The following RYR3 variants were observed in gnomAD, a reference collection of about 807,000 sequenced individuals.
RYR3 encodes brain ryanodine receptor-calcium release channel.
In RYR3, 207 loss-of-function variants were observed where a neutral mutation model predicts 584.3. The observed-to-expected ratio is 0.35, with a 90% CI of 0.32 to 0.40. The LOEUF is 0.40. RYR3 is among the 10% of genes least tolerant of loss of function. The pLI is 1.00. For synonymous variants in RYR3, 2,416 were observed against 2,248.5 expected (o/e 1.07, Z -2.11); for missense variants, 5,616 against 6,089.2 (o/e 0.92, Z 2.59).
At chr15:33,391,138 C>T (rs1017186795) in intron 1 of RYR3, among the ~76,000 whole-genome samples, 3 of 152,170 alleles carry the variant, frequency 2.0e-5, no homozygotes, top group African/African-American at 7.2e-5. Context: ...CCCCTCATCC[C>T]TCCAGCCCCA....
chr15:33,600,837 A>G (rs1026271240), intron 16 of RYR3, among the ~76,000 whole-genome samples: 2 of 152,132 alleles, frequency 1.3e-5, no homozygotes, highest in African/African-American at 4.8e-5. Flanking sequence ...GCCAAATGGG[A>G]ATCTTACGTG....
intron 36 of RYR3, among the ~76,000 whole-genome samples, chr15:33,664,058 C>T (rs1009981228): frequency 2.0e-5 from 3 of 152,200 alleles, no homozygotes; most frequent in African/African-American, 4.8e-5. Context: ...CAAGGATACA[C>T]CACTCAGAAG....
chr15:33,819,918 A>G (rs1160246023), intron 77 of RYR3, 111 bp downstream of exon 77: 5 of 758,030 alleles, frequency 6.6e-6, no homozygotes, highest in East Asian at 5.8e-5. Flanking sequence ...TTGTCATGAC[A>G]TAGGTTTCAG....
At chr15:33,478,661 A>G (rs2142306496) in intron 2 of RYR3, among the ~76,000 whole-genome samples, 1 of 152,316 alleles carries the variant, frequency 6.6e-6, no homozygotes, top group East Asian at 1.9e-4. Context: ...GGAGTTTTAA[A>G]AAGTCATAAC....
At chr15:33,425,439 CT>C (rs1463283545) in intron 1 of RYR3, among the ~76,000 whole-genome samples, 6 of 152,114 alleles carry the variant, frequency 3.9e-5, no homozygotes, top group Non-Finnish European at 7.4e-5. Flanking sequence ...CCTGACTCAG[CT>C]TCTGAATTTC....
intron 1 of RYR3, among the ~76,000 whole-genome samples, chr15:33,388,019 C>A (rs2041744535): frequency 1.3e-5 from 2 of 151,914 alleles, no homozygotes; most frequent in South Asian, 4.2e-4. Context: ...TAATGTCTAG[C>A]ACAAATAAAT....
At chr15:33,685,912 A>T (rs1417667438) in intron 38 of RYR3, among the ~76,000 whole-genome samples, 2 of 152,254 alleles carry the variant, frequency 1.3e-5, no homozygotes, top group South Asian at 2.1e-4. Flanking sequence ...AAGACACAAC[A>T]TACCAGAATC....
chr15:33,732,225 C>T lies in RYR3; in HGVS notation c.7424+531C>T, dbSNP rs1032087386. The stretch of plus-strand genomic sequence containing the variant: ...TGAAACCCCATCTCTACTAAAAATA[C>T]AAAAAAAAAAAAAATAGCCGGGTAT... On this transcript the variant is annotated intron_variant, in intron 48 of 103. Coordinates refer to ENST00000634891, the MANE Select transcript of RYR3 (RefSeq NM_001036.6). Among the ~76,000 whole-genome samples the T allele has an allele frequency of 2.9e-4, 38 of 132,936 alleles. 1 individual carries two copies. The highest frequency in any genetic ancestry group is 9.6e-4 in the South Asian group (4 of 4,150). 87.2% of individuals were successfully genotyped at this position (132,936 alleles called of 152,430 possible). A position where few individuals can be genotyped will look rare whatever the true frequency, so the allele number is the denominator to read the frequency against.
chr15:33,477,595 G>C (rs2049503118), intron 2 of RYR3, among the ~76,000 whole-genome samples: 2 of 82,212 alleles, frequency 2.4e-5, no homozygotes, highest in Admixed American at 2.0e-4. Context: ...AAAAAAAAAG[G>C]CTGGGCGCGG....
Position 33,786,464 on chromosome 15 carries a change from G to A in RYR3, c.9589+482G>A, listed in dbSNP as rs140696101. On this transcript the variant is annotated intron_variant, in intron 66 of 103. Transcript: ENST00000634891. ...AGACACTGTCTCATGCGGGCTCACG[G>A]TAGTGGCACTTTGTTGTTTTTTTTT... 2.5e-3 allele frequency among the ~76,000 whole-genome samples: 382 copies of A among 151,006 alleles called. 8 individuals carry two copies. The East Asian group carries it at 0.045, about 18-fold the overall frequency.
intron 89 of RYR3, among the ~76,000 whole-genome samples, chr15:33,840,197 C>A (rs568950612): frequency 7.2e-5 from 11 of 152,274 alleles, no homozygotes; most frequent in Admixed American, 5.9e-4. Flanking sequence ...ACGTGAAAAG[C>A]TGGGGCAGGC....
rs148818748 is a variant in RYR3 at position 33,662,923 on chromosome 15, G to T, written c.5393G>T (p.Arg1798Leu). Reference protein sequence around the residue: ...EAPVKGLLQTRLPESVKLQMC... With the variant: ...EAPVKGLLQTLLPESVKLQMC... ...CCTGTCAAAGGCTTGTTGCAGACTCGATTACCCGAATCCGTCAAGCTGCAG... is the reference window on the plus strand; with the variant it reads ...CCTGTCAAAGGCTTGTTGCAGACTCTATTACCCGAATCCGTCAAGCTGCAG... Residue 1798 changes from arginine to leucine, a missense_variant, in exon 35 of 104, where the codon CGA (arginine) becomes CTA (leucine). Transcript: ENST00000634891. 4 of 1,612,698 alleles carry T rather than the reference G, an allele frequency of 2.5e-6. No homozygotes were observed. The highest frequency in any genetic ancestry group is 3.4e-6 in the Non-Finnish European group (4 of 1,179,640).
chr15:33,466,003 C>T (rs2048459028), intron 1 of RYR3, among the ~76,000 whole-genome samples: 2 of 152,092 alleles, frequency 1.3e-5, no homozygotes, highest in Admixed American at 1.3e-4. Flanking sequence ...GGGAGATACT[C>T]AGAAATCTGA....
rs141973358 is a variant in RYR3 at position 33,624,089 on chromosome 15, C to A, written c.2574+66C>A. 1.2e-4 allele frequency: 130 copies of A among 1,127,948 alleles called. No homozygotes were observed. The African/African-American group carries it at 1.7e-3, about 15-fold the overall frequency. 69.9% of individuals were successfully genotyped at this position (1,127,948 alleles called of 1,614,324 possible). Reference sequence around the variant, plus strand: ...AAGCAATAGAGTTAAATACTTCTTTCTTTCTTGTTTTTGAACCTTTCTTAA... The same window carrying A: ...AAGCAATAGAGTTAAATACTTCTTTATTTCTTGTTTTTGAACCTTTCTTAA... On this transcript the variant is annotated intron_variant, in intron 20 of 103. Coordinates refer to ENST00000634891, the MANE Select transcript of RYR3 (RefSeq NM_001036.6).
intron 31 of RYR3, among the ~76,000 whole-genome samples, chr15:33,650,573 T>G (rs2062407374): frequency 6.6e-6 from 1 of 152,152 alleles, no homozygotes; most frequent in Admixed American, 6.5e-5. Flanking sequence ...GGACAGTGCC[T>G]CAACTCAGGC....
intron 60 of RYR3, among the ~76,000 whole-genome samples, chr15:33,758,260 C>G (rs577505554): frequency 5.3e-5 from 8 of 152,206 alleles, no homozygotes; most frequent in African/African-American, 1.9e-4. Flanking sequence ...TTTTTTCCTA[C>G]CCCAGTGGCA....
chr15:33,414,316 G>A (rs1321204529), intron 1 of RYR3, among the ~76,000 whole-genome samples: 1 of 152,164 alleles, frequency 6.6e-6, no homozygotes, highest in Non-Finnish European at 1.5e-5. Context: ...GAGTGGTATT[G>A]TAAGCTAGTG....
intron 1 of RYR3, among the ~76,000 whole-genome samples, chr15:33,451,174 A>AAC (rs1395458388): frequency 6.6e-6 from 1 of 152,206 alleles, no homozygotes; most frequent in Non-Finnish European, 1.5e-5. Flanking sequence ...ACTGTTTATA[A>AAC]AGTGCCTGGC....
chr15:33,397,597 G>A (rs7173813), intron 1 of RYR3, among the ~76,000 whole-genome samples: 7,292 of 152,208 alleles, frequency 0.048, 617 homozygotes, highest in African/African-American at 0.17. Context: ...CTGTGATTTA[G>A]GCAGCATCTG....
Sources: allele counts gnomAD v4.1 joint callset (sites outside exome capture counted in the v4.1 genomes callset), GRCh38; gene constraint gnomAD v4.1.1; transcripts MANE v1.5; gene names NCBI Gene and HGNC (gene_info 2026-07-23, HGNC 2026-07-21).